Variants in DEPDC7 observed in about 807,000 individuals in gnomAD.
DEPDC7 encodes the protein DEP domain-containing protein 7.
In DEPDC7, 41 loss-of-function variants were observed where a neutral mutation model predicts 56.6. That is an observed-to-expected ratio of 0.72 (90% CI 0.56 to 0.94). The LOEUF is 0.94. DEPDC7 is among the 40% of genes least tolerant of loss of function. DEPDC7 has a pLI of 0.00. For missense variants in DEPDC7, 522 were observed against 596.3 expected (o/e 0.88, Z 1.30); for synonymous variants, 185 against 208.8 (o/e 0.89, Z 0.98).
chr11:33,017,523 C>T (rs1428407055), intron 1 of DEPDC7, among the ~76,000 whole-genome samples: 1 of 152,160 alleles, frequency 6.6e-6, no homozygotes. Flanking sequence ...ACACTGTCCT[C>T]GGCACACTAG....
At position 33,025,741 on chromosome 11, in the gene DEPDC7, G is replaced by A; in HGVS notation, c.156G>A (p.Val52=). The A allele has an allele frequency of 6.2e-7, 1 of 1,614,166 alleles. No individual in the cohort carries two copies. Among genetic ancestry groups the A allele is most frequent in the Non-Finnish European group, 8.5e-7 (1 of 1,180,008 alleles). Residue 52 remains valine (V), a synonymous_variant, in exon 2 of 9, where the codon GTG becomes GTA. Coordinates refer to ENST00000241051, the MANE Select transcript of DEPDC7 (RefSeq NM_001077242.2). ...ACACTCTTCAAACACAAGTGGAAGT[G>A]AAAAAACGAAGGCACCGTTTAAAAC... ...IINTLQTQVE[V]KKRRHRLKRH...
At chr11:33,021,825 A>G (rs950260287) in intron 1 of DEPDC7, among the ~76,000 whole-genome samples, 4 of 152,124 alleles carry the variant, frequency 2.6e-5, no homozygotes, top group African/African-American at 7.2e-5. Context: ...TAGTTCTTTA[A>G]TCTTTTATGC....
chr11:33,016,466 C>G (rs1853462501), intron 1 of DEPDC7: 20 of 1,604,468 alleles, frequency 1.2e-5, no homozygotes, highest in Non-Finnish European at 1.7e-5. Context: ...CCGAGCTCCT[C>G]CCTTGCCCAC....
chr11:33,026,301 A>T (rs1853577751), intron 2 of DEPDC7: 4 of 488,744 alleles, frequency 8.2e-6, no homozygotes. Flanking sequence ...GCAGTGTAAA[A>T]AGTGTTCTCA....
Position 33,033,323 on chromosome 11 carries a change from C to A in DEPDC7, c.1404C>A (p.Thr468=), listed in dbSNP as rs1265779603. 2 of 1,607,514 alleles carry A rather than the reference C, an allele frequency of 1.2e-6. No homozygotes were observed. The highest frequency in any genetic ancestry group is 1.7e-5 in the Admixed American group (1 of 58,138). ...RDYSNNTEKT[T]KDELLNLLKT... ...ATTCCAACAATACAGAGAAGACAAC[C>A]AAAGATGAGCTGTTGAATTTACTAA... is the stretch of plus-strand genomic sequence containing the variant. Residue 468 remains threonine, a synonymous_variant, in exon 9 of 9, where the codon ACC becomes ACA. Coordinates refer to ENST00000241051, the MANE Select transcript of DEPDC7 (RefSeq NM_001077242.2).
chr11:33,020,052 A>C (rs1853508013), intron 1 of DEPDC7, among the ~76,000 whole-genome samples: 1 of 152,142 alleles, frequency 6.6e-6, no homozygotes, highest in African/African-American at 2.4e-5. Context: ...ATATAATCTT[A>C]CTATTTGAAG....
At position 33,022,190 on chromosome 11, in the gene DEPDC7, A is replaced by G. The variant is rs190756326; in HGVS notation, c.74-3469A>G. ...CCTGTCTTACCCTGTGTACTGTGGT[A>G]GTATTTATTACAGAATTTATGATAT... On this transcript the variant is annotated intron_variant, in intron 1 of 8. Coordinates refer to ENST00000241051, the MANE Select transcript of DEPDC7 (RefSeq NM_001077242.2). Among the ~76,000 whole-genome samples, 1,343 of 152,336 alleles carry G rather than the reference A, an allele frequency of 8.8e-3. 5 individuals are homozygous for G. The highest frequency in any genetic ancestry group is 0.013 in the Non-Finnish European group (891 of 68,028).
In DEPDC7 at chr11:33,031,570, T is replaced by G; in HGVS notation, c.975T>G (p.Asn325Lys). 1.9e-6 allele frequency: 3 copies of G among 1,613,246 alleles called. No homozygotes were observed. The highest frequency in any genetic ancestry group is 2.5e-6 in the Non-Finnish European group (3 of 1,179,158). The change falls in exon 5 of 9, where the codon AAT (asparagine) becomes AAG (lysine). Residue 325 changes from asparagine (N) to lysine (K), a missense_variant. Asn to Lys is a moderately conservative substitution (Grantham distance 94). Transcript: ENST00000241051. Reference sequence around the variant, plus strand: ...TAAATCACTTATCTGACGTTCATAATGGAATTGCAGAACTCTTAGGTAAGT... The same window carrying G: ...TAAATCACTTATCTGACGTTCATAAGGGAATTGCAGAACTCTTAGGTAAGT... ...PLLNHLSDVH[N>K]GIAELLVNGK...
intron 1 of DEPDC7, among the ~76,000 whole-genome samples, chr11:33,024,971 G>A (rs796656155): frequency 1.1e-4 from 16 of 152,202 alleles, no homozygotes; most frequent in African/African-American, 3.9e-4. Flanking sequence ...GAAATGATAC[G>A]TACCTCATAG....
intron 1 of DEPDC7, chr11:33,016,378 A>G: frequency 6.9e-7 from 1 of 1,455,642 alleles, no homozygotes; most frequent in Non-Finnish European, 9.0e-7. Context: ...ACCGGTGACA[A>G]GTGTGGTATC....
chr11:33,031,816 C>G (rs1187864627), intron 5 of DEPDC7, among the ~76,000 whole-genome samples: 1 of 152,152 alleles, frequency 6.6e-6, no homozygotes, highest in East Asian at 1.9e-4. Flanking sequence ...TAATGCTGCT[C>G]TCATTCACCG....
intron 4 of DEPDC7, among the ~76,000 whole-genome samples, chr11:33,030,452 C>CGATAGATAGATA (rs61268969): frequency 0.27 from 40,030 of 150,728 alleles, 5,840 homozygotes; most frequent in Middle Eastern, 0.34. Context: ...TGCTTTTTAA[C>CGATAGATAGATA]GATAGATAGA....
chr11:33,019,918 A>G (rs1415314057), intron 1 of DEPDC7, among the ~76,000 whole-genome samples: 1 of 151,488 alleles, frequency 6.6e-6, no homozygotes. Flanking sequence ...AAAGACCGAG[A>G]ATGGAAACAA....
chr11:33,016,278 C>T, intron 1 of DEPDC7: 1 of 1,380,220 alleles, frequency 7.2e-7, no homozygotes, highest in Non-Finnish European at 9.3e-7. Flanking sequence ...TCTTTCTACC[C>T]AGACTCTCAA....
At chr11:33,027,656 A>G in intron 2 of DEPDC7, 30 bp from the exon 3 acceptor site, 1 of 1,463,940 alleles carries the variant, frequency 6.8e-7, no homozygotes, top group Non-Finnish European at 9.0e-7. Flanking sequence ...GGCTTAGTAA[A>G]TGTTCATTTC....
intron 1 of DEPDC7, among the ~76,000 whole-genome samples, chr11:33,021,206 G>A (rs1215773592): frequency 2.7e-5 from 4 of 149,202 alleles, no homozygotes; most frequent in East Asian, 2.0e-4. Context: ...AGCCAAGATC[G>A]CACCACTGCA....
intron 3 of DEPDC7, 37 bp downstream of exon 3, chr11:33,027,850 C>A: frequency 6.7e-7 from 1 of 1,481,882 alleles, no homozygotes; most frequent in Non-Finnish European, 8.9e-7. Flanking sequence ...AAGTAGAAGA[C>A]AAACTTCAAA....
rs1467865877 is a variant in DEPDC7, at chr11:33,031,558, T to G, written c.963T>G (p.Ser321=). ...GGGAACCTCTGTTAAATCACTTATC[T>G]GACGTTCATAATGGAATTGCAGAAC... is the stretch of plus-strand genomic sequence containing the variant. ...SSREPLLNHL[S]DVHNGIAELL... The change falls in exon 5 of 9, where the codon TCT becomes TCG. Residue 321 remains serine, a synonymous_variant. Coordinates refer to ENST00000241051, the MANE Select transcript of DEPDC7 (RefSeq NM_001077242.2). 1.2e-6 allele frequency: 2 copies of G among 1,613,914 alleles called. No individual in the cohort carries two copies. Among genetic ancestry groups the G allele is most frequent in the Non-Finnish European group, 1.7e-6 (2 of 1,179,772 alleles).
chr11:33,027,871 AT>A, intron 3 of DEPDC7, 58 bp downstream of exon 3: 1 of 1,448,568 alleles, frequency 6.9e-7, no homozygotes. Flanking sequence ...GTTATTTAAA[AT>A]TTTTTAATCT....
Sources: gnomAD v4.1 joint callset for allele counts (sites outside exome capture counted in the v4.1 genomes callset) on GRCh38, gnomAD v4.1.1 for gene constraint, MANE v1.5 for transcripts, NCBI Gene and HGNC (gene_info 2026-07-23, HGNC 2026-07-21) for gene names.